The following SGCZ variants were observed in gnomAD, a reference collection of about 807,000 sequenced individuals.
The protein encoded by SGCZ is zeta-sarcoglycan.
SGCZ carries 40 observed loss-of-function variants against 41.3 expected under a neutral mutation model. The ratio of observed to expected loss-of-function variants is 0.97; its 90% CI spans 0.75 to 1.26. The LOEUF is 1.26. SGCZ is among the 50% of genes most tolerant of loss of function. The pLI is 0.00. For synonymous variants in SGCZ, 206 were observed against 137.5 expected (o/e 1.50, Z -3.49); for missense variants, 552 against 369.8 (o/e 1.49, Z -4.04).
At chr8:14,509,822 A>T (rs1269582923) in intron 2 of SGCZ, among the ~76,000 whole-genome samples, 1 of 152,112 alleles carries the variant, frequency 6.6e-6, no homozygotes, top group Non-Finnish European at 1.5e-5. Flanking sequence ...CATTTTACAA[A>T]GTGGCAGGAG....
At chr8:14,992,745 C>T (rs1421735059) in intron 1 of SGCZ, among the ~76,000 whole-genome samples, 1 of 144,996 alleles carries the variant, frequency 6.9e-6, no homozygotes, top group African/African-American at 2.6e-5. Flanking sequence ...CAGTGTTCCC[C>T]CTTGATATTT....
At chr8:14,790,414 CTG>C (rs1554500032) in intron 1 of SGCZ, among the ~76,000 whole-genome samples, 1 of 152,096 alleles carries the variant, frequency 6.6e-6, no homozygotes, top group Non-Finnish European at 1.5e-5. Flanking sequence ...CAAATGTACA[CTG>C]TATTTCAGTT....
chr8:15,070,513 C>T (rs1210532421), intron 1 of SGCZ, among the ~76,000 whole-genome samples: 1 of 151,962 alleles, frequency 6.6e-6, no homozygotes, highest in Non-Finnish European at 1.5e-5. Context: ...AGACTAAGTC[C>T]CTCTAACAAT....
At chr8:14,401,548 T>G (rs192381105) in intron 2 of SGCZ, among the ~76,000 whole-genome samples, 2 of 150,364 alleles carry the variant, frequency 1.3e-5, no homozygotes, top group African/African-American at 4.9e-5. Context: ...TTTGGTTTTT[T>G]GTTCTTGCGA....
chr8:15,006,989 T>C (rs560107373), intron 1 of SGCZ, among the ~76,000 whole-genome samples: 20 of 152,276 alleles, frequency 1.3e-4, no homozygotes, highest in Non-Finnish European at 2.5e-4. Context: ...AAAAAGGAAA[T>C]AACTGTTGAA....
rs187992512 is a variant in SGCZ at position 14,520,306 on chromosome 8, G to A, written c.234+34426C>T. Among the ~76,000 whole-genome samples the A allele has an allele frequency of 5.9e-5, 9 of 152,220 alleles. No homozygotes were observed. In the East Asian group the frequency reaches 1.7e-3, roughly 29 times the overall value. ...GGTTTCTAATCATGGCCTCAACACA[G>A]GAATTTTTTGTTCCTGGAAGCAGCT... On this transcript the variant is annotated intron_variant, in intron 2 of 7. Transcript: ENST00000382080.
chr8:14,913,305 C>T (rs933518636), intron 1 of SGCZ, among the ~76,000 whole-genome samples: 2 of 151,936 alleles, frequency 1.3e-5, no homozygotes, highest in Non-Finnish European at 2.9e-5. Context: ...CTGTGTACTG[C>T]CCTCTTACAT....
intron 1 of SGCZ, among the ~76,000 whole-genome samples, chr8:15,040,849 G>A (rs1267634773): frequency 1.3e-5 from 2 of 152,028 alleles, no homozygotes; most frequent in African/African-American, 4.8e-5. Context: ...TCAAAGTCAG[G>A]ATGTACTGAT....
intron 1 of SGCZ, among the ~76,000 whole-genome samples, chr8:15,049,887 G>A (rs1372102670): frequency 6.6e-6 from 1 of 152,128 alleles, no homozygotes; most frequent in African/African-American, 2.4e-5. Flanking sequence ...CCATATAAGA[G>A]GTGACTTTGC....
chr8:14,852,589 T>G (rs766874276), intron 1 of SGCZ, among the ~76,000 whole-genome samples: 1 of 152,210 alleles, frequency 6.6e-6, no homozygotes, highest in Non-Finnish European at 1.5e-5. Context: ...GAATTAATTT[T>G]CACCTCAGTT....
At chr8:14,403,369 C>G (rs917666748) in intron 2 of SGCZ, among the ~76,000 whole-genome samples, 16 of 151,126 alleles carry the variant, frequency 1.1e-4, no homozygotes, top group African/African-American at 2.7e-4. Context: ...TCTTGTGCCA[C>G]TTTTCAAAGG....
chr8:14,189,464 T>C (rs1247107873), intron 4 of SGCZ, among the ~76,000 whole-genome samples: 2 of 152,190 alleles, frequency 1.3e-5, no homozygotes, highest in East Asian at 3.9e-4. Flanking sequence ...TTCCCAATAA[T>C]CCTTTTGCCA....
chr8:14,824,696 G>A (rs1277181179), intron 1 of SGCZ, among the ~76,000 whole-genome samples: 1 of 152,000 alleles, frequency 6.6e-6, no homozygotes, highest in Non-Finnish European at 1.5e-5. Context: ...AGGAATGAGT[G>A]ATAATTAAGA....
At chr8:14,149,153 G>T (rs1418590181) in intron 5 of SGCZ, among the ~76,000 whole-genome samples, 1 of 152,030 alleles carries the variant, frequency 6.6e-6, no homozygotes, top group Non-Finnish European at 1.5e-5. Flanking sequence ...TTTCACCACT[G>T]TTATTCACCA....
At chr8:14,870,199 A>C (rs991693128) in intron 1 of SGCZ, among the ~76,000 whole-genome samples, 6 of 152,196 alleles carry the variant, frequency 3.9e-5, no homozygotes, top group African/African-American at 1.2e-4. Context: ...TAACCAAAAC[A>C]GTACGGTACT....
At chr8:14,180,561 A>T (rs1168059847) in intron 4 of SGCZ, among the ~76,000 whole-genome samples, 1 of 152,174 alleles carries the variant, frequency 6.6e-6, no homozygotes, top group African/African-American at 2.4e-5. Context: ...TGAAGAAAAA[A>T]AAAATGACCT....
intron 2 of SGCZ, among the ~76,000 whole-genome samples, chr8:14,485,265 C>T (rs1801641517): frequency 6.6e-6 from 1 of 152,110 alleles, no homozygotes. Flanking sequence ...TTTCTCCTCC[C>T]TCCACCCCCT....
At chr8:14,748,215 G>A (rs1174411194) in intron 1 of SGCZ, among the ~76,000 whole-genome samples, 2 of 152,006 alleles carry the variant, frequency 1.3e-5, no homozygotes, top group African/African-American at 4.8e-5. Flanking sequence ...CCACAACAAC[G>A]TTTTGAGATA....
rs1014956402 is a variant in SGCZ, at chr8:15,100,237, A to G, written c.39+137348T>C. On this transcript the variant is annotated intron_variant, in intron 1 of 7. Coordinates refer to ENST00000382080, the MANE Select transcript of SGCZ (RefSeq NM_139167.4). ...GAAAACAAAATTTCCTGGAACTGTT[A>G]AGTAATTATAGCAAGGTTGCAGGAT... Among the ~76,000 whole-genome samples the G allele has an allele frequency of 6.6e-5, 10 of 152,242 alleles. No homozygotes were observed. The South Asian group carries it at 1.0e-3, about 16-fold the overall frequency.
Sources: allele counts gnomAD v4.1 joint callset (sites outside exome capture counted in the v4.1 genomes callset), GRCh38; gene constraint gnomAD v4.1.1; transcripts MANE v1.5; gene names NCBI Gene and HGNC (gene_info 2026-07-23, HGNC 2026-07-21).